Variants in GALNT17 observed in about 807,000 individuals in gnomAD.
GALNT17 encodes polypeptide N-acetylgalactosaminyltransferase 17.
A neutral mutation model predicts 63.7 loss-of-function variants in GALNT17; 29 were observed. The ratio of observed to expected loss-of-function variants is 0.46; its 90% CI spans 0.34 to 0.62. The LOEUF (loss-of-function observed/expected upper bound fraction) is 0.62, where lower values mean the gene tolerates loss of function less well. GALNT17 is among the 20% of genes least tolerant of loss of function. The pLI is 0.01. For missense variants in GALNT17, 603 were observed against 799.6 expected, an observed-to-expected ratio of 0.75 and a Z score of 2.97; for synonymous variants, 305 against 318.3, an observed-to-expected ratio of 0.96 and a Z score of 0.45.
chr7:71,583,583 A>G (rs1219891010), intron 6 of GALNT17, among the ~76,000 whole-genome samples: 3 of 152,208 alleles, frequency 2.0e-5, no homozygotes, highest in African/African-American at 7.2e-5. Flanking sequence ...ACATGGAAAA[A>G]GGGGAAAAAT....
chr7:71,350,653 G>C (rs1291661916), intron 2 of GALNT17, among the ~76,000 whole-genome samples: 1 of 152,154 alleles, frequency 6.6e-6, no homozygotes, highest in African/African-American at 2.4e-5. Flanking sequence ...ATGTGAGTAG[G>C]TTATGCGCAA....
intron 9 of GALNT17, among the ~76,000 whole-genome samples, chr7:71,687,243 A>G (rs952058092): frequency 6.6e-6 from 1 of 152,216 alleles, no homozygotes; most frequent in African/African-American, 2.4e-5. Context: ...TTTATCCTGT[A>G]ATTAAATTCA....
At chr7:71,535,384 G>C (rs1388487044) in intron 5 of GALNT17, among the ~76,000 whole-genome samples, 27 of 152,166 alleles carry the variant, frequency 1.8e-4, no homozygotes, top group Admixed American at 1.8e-3. Context: ...TTCTGGATCT[G>C]GCACATGCAG....
chr7:71,692,990 C>T (rs921268184), intron 9 of GALNT17, among the ~76,000 whole-genome samples: 12 of 151,632 alleles, frequency 7.9e-5, no homozygotes, highest in East Asian at 2.0e-4. Flanking sequence ...CCGCCCACCT[C>T]GGCCTCCCAA....
chr7:71,308,910 A>G (rs1443816508), intron 1 of GALNT17, among the ~76,000 whole-genome samples: 1 of 151,878 alleles, frequency 6.6e-6, no homozygotes, highest in Non-Finnish European at 1.5e-5. Context: ...CGCCTGGGTA[A>G]TTTTTGTATG....
chr7:71,651,583 G>T (rs886564613), intron 6 of GALNT17, among the ~76,000 whole-genome samples: 1 of 152,178 alleles, frequency 6.6e-6, no homozygotes, highest in Non-Finnish European at 1.5e-5. Context: ...GATTATAGGC[G>T]TGAGCCACTG....
chr7:71,500,827 A>G (rs541705863), intron 5 of GALNT17, among the ~76,000 whole-genome samples: 1 of 152,124 alleles, frequency 6.6e-6, no homozygotes, highest in East Asian at 1.9e-4. Flanking sequence ...TCCTACCACC[A>G]TAGTAAGAGC....
rs183296187 is a variant in GALNT17, at chr7:71,584,003, G to A, written c.1080+12601G>A. Among the ~76,000 whole-genome samples the A allele has an allele frequency of 2.0e-3, 308 of 151,926 alleles. 1 individual carries two copies. Among genetic ancestry groups the A allele is most frequent in the Admixed American group, 5.2e-3 (80 of 15,248 alleles). ...AAAAATTAGCCGGGCGTGGTGGCAC[G>A]CGCCTATAATCCCAGCTGCTCGGGA... On this transcript the variant is annotated intron_variant, in intron 6 of 10. Transcript: ENST00000333538.
Position 71,392,859 on chromosome 7 carries a change from A to T in GALNT17, c.589+4458A>T, listed in dbSNP as rs114780441. ...GAAATCTCTTCTCTTGAACTAGAAG[A>T]GGAATCTAATATTTTTCATTTTATT... On this transcript the variant is annotated intron_variant, in intron 3 of 10. Coordinates refer to ENST00000333538, the MANE Select transcript of GALNT17 (RefSeq NM_022479.3). Among the ~76,000 whole-genome samples, 180 of 152,142 alleles carry T rather than the reference A, an allele frequency of 1.2e-3. 1 individual carries two copies. The highest frequency in any genetic ancestry group is 4.2e-3 in the African/African-American group (174 of 41,508).
At chr7:71,504,473 G>A (rs1233276001) in intron 5 of GALNT17, among the ~76,000 whole-genome samples, 1 of 152,068 alleles carries the variant, frequency 6.6e-6, no homozygotes, top group Non-Finnish European at 1.5e-5. Flanking sequence ...AAGGTAATTT[G>A]TCAAATTTGC....
intron 2 of GALNT17, among the ~76,000 whole-genome samples, chr7:71,361,794 GA>G (rs1792406140): frequency 1.3e-5 from 2 of 152,116 alleles, no homozygotes; most frequent in Non-Finnish European, 2.9e-5. Context: ...CTCAGAGAGA[GA>G]GAGAGAGAGA....
chr7:71,213,527 C>T (rs1789420877), intron 1 of GALNT17, among the ~76,000 whole-genome samples: 1 of 152,122 alleles, frequency 6.6e-6, no homozygotes, highest in South Asian at 2.1e-4. Flanking sequence ...ACTATATATC[C>T]ATTTCTTAAG....
Position 71,422,609 on chromosome 7 carries a change from G to A in GALNT17, c.962+1504G>A, listed in dbSNP as rs185740029. ...GATCATGCAGATGGGTAGGTTGCGG[G>A]GAGCATTTTGGGGCTCCGACCCCAT... On this transcript the variant is annotated intron_variant, in intron 5 of 10. Coordinates refer to ENST00000333538, the MANE Select transcript of GALNT17 (RefSeq NM_022479.3). Among the ~76,000 whole-genome samples the A allele has an allele frequency of 2.6e-4, 39 of 152,352 alleles. 4 individuals carry two copies. The East Asian group carries it at 3.1e-3, about 12-fold the overall frequency.
intron 1 of GALNT17, among the ~76,000 whole-genome samples, chr7:71,229,721 G>C (rs1789751907): frequency 6.6e-6 from 1 of 152,208 alleles, no homozygotes; most frequent in Non-Finnish European, 1.5e-5. Context: ...CAAACGTTAA[G>C]TCTATGCTAC....
At chr7:71,319,847 G>A (rs1215017407) in intron 1 of GALNT17, among the ~76,000 whole-genome samples, 1 of 152,086 alleles carries the variant, frequency 6.6e-6, no homozygotes, top group Admixed American at 6.6e-5. Context: ...TTTTCAGCTG[G>A]GCTTGGTTCT....
At chr7:71,427,011 A>G (rs1786771728) in intron 5 of GALNT17, among the ~76,000 whole-genome samples, 1 of 152,094 alleles carries the variant, frequency 6.6e-6, no homozygotes, top group Non-Finnish European at 1.5e-5. Flanking sequence ...TAATGATAAT[A>G]TACCAATTAT....
intron 1 of GALNT17, among the ~76,000 whole-genome samples, chr7:71,234,089 C>T (rs556217680): frequency 1.3e-5 from 2 of 152,246 alleles, no homozygotes; most frequent in Non-Finnish European, 2.9e-5. Flanking sequence ...TACAACTTGA[C>T]GTGAGATTTG....
chr7:71,238,668 C>A (rs1247686517), intron 1 of GALNT17, among the ~76,000 whole-genome samples: 3 of 152,172 alleles, frequency 2.0e-5, no homozygotes, highest in African/African-American at 7.2e-5. Context: ...GTGCCTCTCT[C>A]TGTGTGCGGT....
intron 5 of GALNT17, among the ~76,000 whole-genome samples, chr7:71,569,655 T>G (rs147616492): frequency 6.6e-6 from 1 of 152,210 alleles, no homozygotes; most frequent in East Asian, 1.9e-4. Flanking sequence ...GGGAACAACT[T>G]TTCCACACTA....
Sources: allele counts gnomAD v4.1 joint callset (sites outside exome capture counted in the v4.1 genomes callset), GRCh38; gene constraint gnomAD v4.1.1; transcripts MANE v1.5; gene names NCBI Gene and HGNC (gene_info 2026-07-23, HGNC 2026-07-21).